Variants in PDE7A observed in about 807,000 individuals in gnomAD.
PDE7A encodes high affinity 3',5'-cyclic-AMP phosphodiesterase 7A.
A neutral mutation model predicts 64.3 loss-of-function variants in PDE7A; 39 were observed. The ratio of observed to expected loss-of-function variants is 0.61; its 90% CI spans 0.47 to 0.79. The LOEUF (loss-of-function observed/expected upper bound fraction) is 0.79, where lower values mean the gene tolerates loss of function less well. Among genes scored for constraint, PDE7A ranks in the 30% least tolerant of loss-of-function variants. PDE7A has a pLI of 0.00. For synonymous variants in PDE7A, 203 were observed against 206.8 expected, an observed-to-expected ratio of 0.98 and a Z score of 0.16; for missense variants, 470 against 582.8, an observed-to-expected ratio of 0.81 and a Z score of 1.99.
chr8:65,768,635 G>C lies in PDE7A; in HGVS notation c.283+11085C>G, dbSNP rs189940479. On this transcript the variant is annotated intron_variant, in intron 3 of 12. Transcript: ENST00000401827. ...AAACAGACTAATACAAATTCTTACT[G>C]ATACTTGTATTCTCTTTTAATCACA... 6.6e-5 allele frequency among the ~76,000 whole-genome samples: 10 copies of C among 152,216 alleles called. No individual in the cohort carries two copies. The East Asian group carries it at 1.7e-3, about 26-fold the overall frequency.
In PDE7A at chr8:65,717,559, C is replaced by T. The variant is rs1323826222; in HGVS notation, c.*1731G>A. On this transcript the variant is annotated 3_prime_UTR_variant, in exon 13 of 13. Transcript: ENST00000401827. ...GCAAGGTGAGTCATTAGTAGATAAG[C>T]TCGGACTGAGTAAACATCTGAGGGA... The T allele has an allele frequency of 1.3e-5, 2 of 152,198 alleles. No individual in the cohort carries two copies. The highest frequency in any genetic ancestry group is 3.8e-4 in the East Asian group (2 of 5,200). The allele number at this position is 152,198 out of a possible 1,614,324, so 9.4% of individuals were successfully genotyped here.
intron 2 of PDE7A, among the ~76,000 whole-genome samples, chr8:65,780,467 G>A (rs959029082): frequency 4.6e-5 from 7 of 152,090 alleles, no homozygotes; most frequent in East Asian, 1.9e-4. Flanking sequence ...GCTCAGTGTC[G>A]TTCCTACATG....
chr8:65,735,373 A>T (rs1046064174), intron 6 of PDE7A, among the ~76,000 whole-genome samples: 1 of 152,024 alleles, frequency 6.6e-6, no homozygotes, highest in Non-Finnish European at 1.5e-5. Context: ...CAGTGACATG[A>T]TCATGGCTCA....
At chr8:65,733,465 T>G (rs1806989337) in intron 7 of PDE7A, among the ~76,000 whole-genome samples, 1 of 152,074 alleles carries the variant, frequency 6.6e-6, no homozygotes, top group Non-Finnish European at 1.5e-5. Context: ...AAGTTTAATT[T>G]AAAAATTGGG....
intron 2 of PDE7A, chr8:65,780,869 C>T (rs1809395286): frequency 6.6e-6 from 1 of 152,264 alleles, no homozygotes; most frequent in Admixed American, 6.5e-5. Flanking sequence ...AGGACCATGA[C>T]TTCCTCCAAG....
chr8:65,785,877 C>T (rs1442897587), intron 1 of PDE7A, among the ~76,000 whole-genome samples: 1 of 151,688 alleles, frequency 6.6e-6, no homozygotes, highest in South Asian at 2.1e-4. Context: ...ATAACAGTTG[C>T]TATTTAGAAA....
At chr8:65,735,494 A>G (rs937757041) in intron 6 of PDE7A, among the ~76,000 whole-genome samples, 2 of 151,854 alleles carry the variant, frequency 1.3e-5, no homozygotes, top group Non-Finnish European at 2.9e-5. Flanking sequence ...TATTTTTTAT[A>G]AAGACAGGAT....
chr8:65,737,565 C>T (rs1028755700), intron 6 of PDE7A, among the ~76,000 whole-genome samples: 5 of 152,108 alleles, frequency 3.3e-5, no homozygotes, highest in Non-Finnish European at 4.4e-5. Flanking sequence ...AGTACAGTGG[C>T]GCGATCTCGG....
chr8:65,766,620 T>G (rs1808799568), intron 3 of PDE7A, among the ~76,000 whole-genome samples: 1 of 152,222 alleles, frequency 6.6e-6, no homozygotes, highest in Admixed American at 6.5e-5. Flanking sequence ...GTCAGTCTCT[T>G]CCTCTCTCCC....
intron 1 of PDE7A, among the ~76,000 whole-genome samples, chr8:65,825,185 T>C (rs1037699170): frequency 1.3e-5 from 2 of 152,186 alleles, no homozygotes; most frequent in Admixed American, 1.3e-4. Flanking sequence ...GGAAGAACTA[T>C]GGATGGTCTT....
intron 3 of PDE7A, among the ~76,000 whole-genome samples, chr8:65,772,332 T>G (rs1255758207): frequency 6.6e-6 from 1 of 152,214 alleles, no homozygotes; most frequent in East Asian, 1.9e-4. Flanking sequence ...AAAATAGTCT[T>G]ATTTTTAATT....
intron 1 of PDE7A, among the ~76,000 whole-genome samples, chr8:65,828,196 A>T (rs933505327): frequency 1.3e-5 from 2 of 152,148 alleles, no homozygotes; most frequent in Non-Finnish European, 2.9e-5. Flanking sequence ...AATTACCAGA[A>T]ATCTCACTAC....
At position 65,715,510 on chromosome 8, in the gene PDE7A, T is replaced by C. The variant is rs1230177975; in HGVS notation, c.*3780A>G. 1.3e-5 allele frequency among the ~76,000 whole-genome samples: 2 copies of C among 151,528 alleles called. No homozygotes were observed. The highest frequency in any genetic ancestry group is 2.4e-5 in the African/African-American group (1 of 41,296). The stretch of plus-strand genomic sequence containing the variant: ...CTTCCGCCTCAGCCTCCCGAGTAGC[T>C]GGGATTACAGGAATGCGCCACCACG... On this transcript the variant is annotated 3_prime_UTR_variant, in exon 13 of 13. Transcript: ENST00000401827.
In PDE7A at chr8:65,727,398, G is replaced by A. The variant is rs528323047; in HGVS notation, c.697-97C>T. The A allele has an allele frequency of 8.9e-5, 136 of 1,523,950 alleles. No homozygotes were observed. The African/African-American group carries it at 1.2e-3, about 14-fold the overall frequency. 94.4% of individuals were successfully genotyped at this position (1,523,950 alleles called of 1,614,324 possible). On this transcript the variant is annotated intron_variant, in intron 7 of 12. Transcript: ENST00000401827. Reference sequence around the variant, plus strand: ...GAATTAGCAGCCAATGGTAGTGGTGGTAATCTCCTCCCCCTTCACGTCATT... The same window carrying A: ...GAATTAGCAGCCAATGGTAGTGGTGATAATCTCCTCCCCCTTCACGTCATT...
intron 1 of PDE7A, among the ~76,000 whole-genome samples, chr8:65,834,221 G>A (rs930213746): frequency 2.6e-5 from 4 of 152,058 alleles, no homozygotes; most frequent in Admixed American, 1.3e-4. Flanking sequence ...AGATGATGAG[G>A]TTCATGAAGA....
At chr8:65,831,559 A>AT (rs1205972533) in intron 1 of PDE7A, among the ~76,000 whole-genome samples, 1 of 151,966 alleles carries the variant, frequency 6.6e-6, no homozygotes, top group Non-Finnish European at 1.5e-5. Context: ...ACTATACTTA[A>AT]TTTTACCTCC....
intron 2 of PDE7A, among the ~76,000 whole-genome samples, chr8:65,781,905 A>G (rs1209181560): frequency 1.3e-5 from 2 of 152,192 alleles, no homozygotes; most frequent in South Asian, 2.1e-4. Context: ...TGGGGGAAAA[A>G]TATGTACTGG....
intron 2 of PDE7A, among the ~76,000 whole-genome samples, chr8:65,781,455 A>C (rs1809417743): frequency 6.6e-6 from 1 of 152,150 alleles, no homozygotes; most frequent in Non-Finnish European, 1.5e-5. Flanking sequence ...TCTAGGTGTG[A>C]TGAGAACAGA....
intron 1 of PDE7A, among the ~76,000 whole-genome samples, chr8:65,813,242 TCA>T (rs1448475420): frequency 2.0e-5 from 3 of 152,150 alleles, no homozygotes; most frequent in East Asian, 1.9e-4. Context: ...GAAATGAATG[TCA>T]CAGATATATT....
Sources: allele counts gnomAD v4.1 joint callset (sites outside exome capture counted in the v4.1 genomes callset), GRCh38; gene constraint gnomAD v4.1.1; transcripts MANE v1.5; gene names NCBI Gene and HGNC (gene_info 2026-07-23, HGNC 2026-07-21).